Variants in ZDHHC6 observed in about 807,000 individuals in gnomAD.
ZDHHC6 encodes palmitoyltransferase ZDHHC6.
In ZDHHC6, 32 loss-of-function variants were observed where a neutral mutation model predicts 57.8. That is an observed-to-expected ratio of 0.55 (90% CI 0.42 to 0.74). ZDHHC6 has a LOEUF of 0.74. Ranked by LOEUF, ZDHHC6 falls within the 30% of genes least tolerant of loss-of-function variation. ZDHHC6 has a pLI of 0.00. For synonymous variants in ZDHHC6, 128 were observed against 158.0 expected (o/e 0.81, Z 1.42); for missense variants, 433 against 500.7 (o/e 0.86, Z 1.29).
intron 2 of ZDHHC6, among the ~76,000 whole-genome samples, chr10:112,443,835 C>T (rs17129781): frequency 0.14 from 21,277 of 152,100 alleles, 1,629 homozygotes; most frequent in Middle Eastern, 0.2. Context: ...TTGTGCTCCA[C>T]CTAAATTCAG....
chr10:112,436,583 T>C (rs1845554960), intron 6 of ZDHHC6, among the ~76,000 whole-genome samples: 1 of 152,224 alleles, frequency 6.6e-6, no homozygotes, highest in South Asian at 2.1e-4. Flanking sequence ...TATAGATCAC[T>C]TTGAGTATTC....
intron 7 of ZDHHC6, chr10:112,433,496 T>G (rs549111796): frequency 4.6e-6 from 2 of 434,526 alleles, no homozygotes; most frequent in Non-Finnish European, 8.2e-6. Flanking sequence ...TTCTCGCTAT[T>G]CACTCTCTAA....
In ZDHHC6 at chr10:112,432,454, A is replaced by G; in HGVS notation, c.1013T>C (p.Phe338Ser). 6.2e-7 allele frequency: 1 copy of G among 1,614,126 alleles called. No homozygotes were observed. Among genetic ancestry groups the G allele is most frequent in the East Asian group, 2.2e-5 (1 of 44,876 alleles). The change falls in exon 9 of 11, where the codon TTC becomes TCC. Residue 338 changes from phenylalanine (F) to serine (S), a missense_variant. Coordinates refer to ENST00000369405, the MANE Select transcript of ZDHHC6 (RefSeq NM_022494.3). ...CTCTTCGGTGCAGGGACTTGTGAAG[A>G]AGGTTTTGATTCCTTTATTCAGAGG... ...CCPLNKGIKT[F>S]FTSPCTEEPR...
chr10:112,441,593 GA>G lies in ZDHHC6; in HGVS notation c.519+598del, dbSNP rs144745152. ...AATTTCCAAACACCACAAGCTAGCAGATCAAATATGGGCTGTCCCCTCCCCA... is the reference window on the plus strand; with the variant it reads ...AATTTCCAAACACCACAAGCTAGCAGTCAAATATGGGCTGTCCCCTCCCCA... On this transcript the variant is annotated intron_variant, in intron 4 of 10. Transcript: ENST00000369405. Among the ~76,000 whole-genome samples, 1,147 of 152,318 alleles carry G rather than the reference GA, an allele frequency of 7.5e-3. 12 individuals are homozygous for G. Among genetic ancestry groups the G allele is most frequent in the African/African-American group, 0.026 (1,082 of 41,570 alleles).
At chr10:112,425,917 T>C (rs1380018188), downstream of ZDHHC6, among the ~76,000 whole-genome samples, 1 of 152,216 alleles carries the variant, frequency 6.6e-6, no homozygotes, top group African/African-American at 2.4e-5. Context: ...TTTAAGGAAC[T>C]CCTTATCCCA....
intron 10 of ZDHHC6, among the ~76,000 whole-genome samples, chr10:112,431,392 C>T (rs1423055502): frequency 6.6e-6 from 1 of 151,900 alleles, no homozygotes; most frequent in Non-Finnish European, 1.5e-5. Flanking sequence ...CAGATTACTG[C>T]AACCTCTGCC....
In ZDHHC6 at chr10:112,432,541, G is replaced by C. The variant is rs1254589908; in HGVS notation, c.946-20C>G. The C allele has an allele frequency of 3.7e-6, 6 of 1,602,344 alleles. No individual in the cohort carries two copies. Among genetic ancestry groups the C allele is most frequent in the Admixed American group, 1.8e-5 (1 of 56,794 alleles). ...GCGAACCTGTCGTCAGTGATCAGAA[G>C]AAACCTTTAAATATTCACCCATGAT... On this transcript the variant is annotated intron_variant, in intron 8 of 10. Transcript: ENST00000369405.
downstream of ZDHHC6, chr10:112,427,339 A>G (rs763137516): frequency 1.2e-6 from 2 of 1,613,414 alleles, no homozygotes; most frequent in African/African-American, 1.3e-5. Context: ...GACAGCCTGT[A>G]TGAGCACATC....
chr10:112,442,490 G>T (rs766364844), intron 3 of ZDHHC6, 139 bp from the exon 4 acceptor site: 237 of 788,190 alleles, frequency 3.0e-4, no homozygotes, highest in Non-Finnish European at 4.3e-4. Flanking sequence ...GGAACAGAAA[G>T]AAAAATCTTT....
At chr10:112,432,838 T>C (rs917844865) in intron 8 of ZDHHC6, among the ~76,000 whole-genome samples, 10 of 152,372 alleles carry the variant, frequency 6.6e-5, no homozygotes, top group South Asian at 2.1e-4. Flanking sequence ...TTGACACATG[T>C]AGCTACTGAG....
rs1408759804 is a variant in ZDHHC6 at position 112,430,603 on chromosome 10, GA to G, written c.*200del. On this transcript the variant is annotated 3_prime_UTR_variant, in exon 11 of 11. Transcript: ENST00000369405. Reference sequence around the variant, plus strand: ...TTGAGGGGGAGGAAGAGGTGGTAAAGAGGGGCAGGAATTCAAAGGCATATGC... The same window carrying G: ...TTGAGGGGGAGGAAGAGGTGGTAAAGGGGGCAGGAATTCAAAGGCATATGC... 4.6e-6 allele frequency: 2 copies of G among 436,668 alleles called. No homozygotes were observed. Among genetic ancestry groups the G allele is most frequent in the Non-Finnish European group, 8.1e-6 (2 of 246,778 alleles). The allele number at this position is 436,668 out of a possible 1,614,324, so 27.0% of individuals were successfully genotyped here.
chr10:112,432,485 A>G lies in ZDHHC6; in HGVS notation c.982T>C (p.Cys328Arg), dbSNP rs1001391107. The change falls in exon 9 of 11, where the codon TGC (cysteine) becomes CGC (arginine). Residue 328 changes from cysteine to arginine, a missense_variant. Cys to Arg is a radical substitution (Grantham distance 180). Coordinates refer to ENST00000369405, the MANE Select transcript of ZDHHC6 (RefSeq NM_022494.3). ...TTGATTCCTTTATTCAGAGGGCAGC[A>G]GGCACCACTATAATCTTCTATTACT... ...YKVIEDYSGA[C>R]CPLNKGIKTF... The G allele has an allele frequency of 1.2e-6, 2 of 1,614,164 alleles. No homozygotes were observed. Among genetic ancestry groups the G allele is most frequent in the Admixed American group, 1.7e-5 (1 of 60,022 alleles).
At chr10:112,438,429 T>C (rs1049210661) in intron 5 of ZDHHC6, 40 bp from the exon 6 acceptor site, 1 of 1,309,622 alleles carries the variant, frequency 7.6e-7, no homozygotes, top group Non-Finnish European at 1.0e-6. Flanking sequence ...AATGCGACCT[T>C]GGTTCCTTTA....
intron 6 of ZDHHC6, among the ~76,000 whole-genome samples, chr10:112,436,931 T>A (rs899215058): frequency 6.6e-6 from 1 of 152,232 alleles, no homozygotes; most frequent in Non-Finnish European, 1.5e-5. Flanking sequence ...TGTTAAGCTG[T>A]AAGCTAACAA....
At position 112,432,501 on chromosome 10, in the gene ZDHHC6, T is replaced by C. The variant is rs768569028; in HGVS notation, c.966A>G (p.Glu322=). Residue 322 remains glutamate (E), a synonymous_variant, in exon 9 of 11, where the codon GAA becomes GAG. Coordinates refer to ENST00000369405, the MANE Select transcript of ZDHHC6 (RefSeq NM_022494.3). ...GAGGGCAGCAGGCACCACTATAATC[T>C]TCTATTACTTTATAGCGAACCTGTC... ...RVRSVRYKVI[E]DYSGACCPLN... is the part of the protein sequence containing the mutation. The C allele has an allele frequency of 2.5e-6, 4 of 1,613,826 alleles. No individual in the cohort carries two copies. In the South Asian group the frequency reaches 4.4e-5, roughly 18 times the overall value.
At chr10:112,433,106 T>G (rs1402573473) in intron 8 of ZDHHC6, 134 bp downstream of exon 8, 1 of 652,042 alleles carries the variant, frequency 1.5e-6, no homozygotes, top group Non-Finnish European at 2.3e-6. Context: ...GCATCAAATT[T>G]CAACAAATGT....
chr10:112,445,058 T>TCTTAGTC, intron 2 of ZDHHC6, 112 bp downstream of exon 2: 1 of 1,239,264 alleles, frequency 8.1e-7, no homozygotes, highest in Non-Finnish European at 1.1e-6. Flanking sequence ...ATATACTTAG[T>TCTTAGTC]CTCTGTGAGG....
intron 1 of ZDHHC6, 98 bp from the exon 2 acceptor site, chr10:112,445,748 A>T (rs1341635309): frequency 4.4e-6 from 2 of 459,076 alleles, no homozygotes; most frequent in Non-Finnish European, 7.7e-6. Context: ...CCTACACAAC[A>T]GCATCTCACA....
At chr10:112,439,288 T>C (rs759672774) in intron 5 of ZDHHC6, among the ~76,000 whole-genome samples, 1 of 152,188 alleles carries the variant, frequency 6.6e-6, no homozygotes, top group Non-Finnish European at 1.5e-5. Context: ...TGGCCCACAG[T>C]AGGCCTTCAA....
Sources: allele counts gnomAD v4.1 joint callset (sites outside exome capture counted in the v4.1 genomes callset), GRCh38; gene constraint gnomAD v4.1.1; transcripts MANE v1.5; gene names NCBI Gene and HGNC (gene_info 2026-07-23, HGNC 2026-07-21).